OPRD1: variants seen among roughly 807,000 people sequenced by gnomAD.
OPRD1 encodes opioid receptor delta 1, also known as delta-type opioid receptor.
Under a neutral mutation model 17.5 loss-of-function variants are expected in OPRD1, and 19 were observed. The ratio of observed to expected loss-of-function variants is 1.09; its 90% CI spans 0.76 to 1.60. The LOEUF is 1.60. OPRD1 is among the 40% of genes most tolerant of loss of function. The probability of loss-of-function intolerance (pLI) is 0.00; values close to 1 mark genes in which losing one functional copy is unlikely to be tolerated. For missense variants in OPRD1, 483 were observed against 547.2 expected (o/e 0.88, Z 1.17); for synonymous variants, 256 against 240.9 (o/e 1.06, Z -0.58).
rs1245050436 is a variant in OPRD1, at chr1:28,826,062, G to T, written c.227+13452G>T. Among the ~76,000 whole-genome samples the T allele has an allele frequency of 2.6e-5, 4 of 152,294 alleles. No homozygotes were observed. In the East Asian group the frequency reaches 7.7e-4, roughly 29 times the overall value. The stretch of plus-strand genomic sequence containing the variant: ...GTAAACAAATAGATATAAGGCTAAG[G>T]CTATAGGCAGTGAAGTCAACCGAAA... On this transcript the variant is annotated intron_variant, in intron 1 of 2. Coordinates refer to ENST00000234961, the MANE Select transcript of OPRD1 (RefSeq NM_000911.4).
chr1:28,838,092 A>G (rs890720272), intron 1 of OPRD1, among the ~76,000 whole-genome samples: 2 of 151,886 alleles, frequency 1.3e-5, no homozygotes, highest in African/African-American at 4.8e-5. Flanking sequence ...GTAGCATTCG[A>G]TAGAATGTGT....
chr1:28,850,396 C>G (rs1019819036), intron 1 of OPRD1, among the ~76,000 whole-genome samples: 2 of 151,774 alleles, frequency 1.3e-5, no homozygotes, highest in African/African-American at 2.4e-5. Flanking sequence ...CAATCTCAGC[C>G]CACCGCAACC....
At chr1:28,855,667 G>C (rs2089050657) in intron 1 of OPRD1, among the ~76,000 whole-genome samples, 1 of 152,198 alleles carries the variant, frequency 6.6e-6, no homozygotes, top group African/African-American at 2.4e-5. Flanking sequence ...CCACTTCCCA[G>C]CATCCCAGCC....
chr1:28,843,702 C>T (rs564731791), intron 1 of OPRD1, among the ~76,000 whole-genome samples: 88 of 151,690 alleles, frequency 5.8e-4, no homozygotes, highest in Non-Finnish European at 1.1e-3. Context: ...CTTACTGCAA[C>T]CTCAACTTCG....
chr1:28,846,842 TTTCTTTTCTTTCTTTC>T (rs1465274776), intron 1 of OPRD1, among the ~76,000 whole-genome samples: 2 of 70,638 alleles, frequency 2.8e-5, no homozygotes, highest in African/African-American at 1.1e-4. Flanking sequence ...TCTTTCTTTC[TTTCTTTTCTTTCTTTC>T]TTTCTTTCTT....
chr1:28,816,810 C>T (rs2088674699), intron 1 of OPRD1, among the ~76,000 whole-genome samples: 1 of 152,126 alleles, frequency 6.6e-6, no homozygotes, highest in Admixed American at 6.5e-5. Flanking sequence ...GCAGGGCTGG[C>T]ATCTCAGAGA....
intron 1 of OPRD1, among the ~76,000 whole-genome samples, chr1:28,825,984 GAC>G (rs2088764600): frequency 6.6e-6 from 1 of 152,218 alleles, no homozygotes; most frequent in Non-Finnish European, 1.5e-5. Flanking sequence ...CAGTGATGAA[GAC>G]ACAGTCCTTG....
intron 1 of OPRD1, among the ~76,000 whole-genome samples, chr1:28,854,358 C>T (rs1367527015): frequency 6.6e-6 from 1 of 152,072 alleles, no homozygotes; most frequent in African/African-American, 2.4e-5. Context: ...TCCTGAGTAG[C>T]TGGGTCTATA....
intron 1 of OPRD1, among the ~76,000 whole-genome samples, chr1:28,854,249 TG>T (rs1273858523): frequency 2.6e-5 from 4 of 152,026 alleles, no homozygotes; most frequent in Admixed American, 6.6e-5. Context: ...TTTTTAGACA[TG>T]GGGTGTTGCT....
chr1:28,828,702 A>AAC (rs2124266747), intron 1 of OPRD1, among the ~76,000 whole-genome samples: 1 of 150,674 alleles, frequency 6.6e-6, no homozygotes, highest in South Asian at 2.1e-4. Flanking sequence ...AAAAAAAAAA[A>AAC]AAAAAAGCCA....
intron 1 of OPRD1, among the ~76,000 whole-genome samples, chr1:28,855,615 G>A (rs1233623167): frequency 6.6e-6 from 1 of 152,186 alleles, no homozygotes; most frequent in Non-Finnish European, 1.5e-5. Context: ...ATCAGCGCTG[G>A]GCCGCTCAGC....
chr1:28,850,745 T>G (rs1048333087), intron 1 of OPRD1, among the ~76,000 whole-genome samples: 7 of 150,694 alleles, frequency 4.6e-5, no homozygotes, highest in African/African-American at 1.7e-4. Flanking sequence ...ATCACACGAG[T>G]GCACTCCAGC....
chr1:28,828,194 C>T (rs1049854459), intron 1 of OPRD1, among the ~76,000 whole-genome samples: 2 of 152,138 alleles, frequency 1.3e-5, no homozygotes, highest in African/African-American at 2.4e-5. Context: ...TTCCTTGATC[C>T]GTGGGCTACA....
At chr1:28,830,886 C>T (rs188605441) in intron 1 of OPRD1, among the ~76,000 whole-genome samples, 12 of 152,328 alleles carry the variant, frequency 7.9e-5, no homozygotes, top group Admixed American at 7.2e-4. Flanking sequence ...TAGCACAGGG[C>T]CTGGCCCACA....
chr1:28,816,923 G>A (rs1468325516), intron 1 of OPRD1, among the ~76,000 whole-genome samples: 2 of 152,108 alleles, frequency 1.3e-5, no homozygotes, highest in Non-Finnish European at 2.9e-5. Flanking sequence ...CCCAGATCCT[G>A]GGTGGCCCGA....
chr1:28,861,634 G>T (rs2089122674), intron 2 of OPRD1, among the ~76,000 whole-genome samples: 1 of 152,072 alleles, frequency 6.6e-6, no homozygotes, highest in Non-Finnish European at 1.5e-5. Flanking sequence ...TTGTAGAGAT[G>T]GGGTTTTGCC....
chr1:28,812,214 C>A lies in OPRD1; in HGVS notation c.-170C>A, dbSNP rs530082922. ...GAGCGGGCGGACGCCGGGGGCTGGG[C>A]CGGTGCGGGCGGCGAGGCAGGCGGA... On this transcript the variant is annotated 5_prime_UTR_variant, in exon 1 of 3. Coordinates refer to ENST00000234961, the MANE Select transcript of OPRD1 (RefSeq NM_000911.4). 2.7e-3 allele frequency: 598 copies of A among 222,446 alleles called. 4 individuals carry two copies. Among genetic ancestry groups the A allele is most frequent in the African/African-American group, 0.013 (555 of 42,818 alleles). 13.8% of individuals were successfully genotyped at this position (222,446 alleles called of 1,614,324 possible). A position where few individuals can be genotyped will look rare whatever the true frequency, so the allele number is the denominator to read the frequency against.
In OPRD1 at chr1:28,859,266, C is replaced by T. The variant is rs566634367; in HGVS notation, c.540C>T (p.Gly180=). 52 of 1,614,044 alleles carry T rather than the reference C, an allele frequency of 3.2e-5. No homozygotes were observed. In the East Asian group the frequency reaches 3.3e-4, roughly 10 times the overall value. ...ICIWVLASGV[G]VPIMVMAVTR... ...TCTGGGTCCTGGCCTCAGGCGTTGG[C>T]GTGCCCATCATGGTCATGGCTGTGA... Residue 180 remains glycine (G), a synonymous_variant, in exon 2 of 3, where the codon GGC becomes GGT. Coordinates refer to ENST00000234961, the MANE Select transcript of OPRD1 (RefSeq NM_000911.4).
intron 2 of OPRD1, among the ~76,000 whole-genome samples, chr1:28,861,681 G>A (rs1229660169): frequency 6.6e-6 from 1 of 152,104 alleles, no homozygotes; most frequent in Non-Finnish European, 1.5e-5. Context: ...CTGGACTCAA[G>A]CAGTCCACCT....
Sources: allele counts gnomAD v4.1 joint callset (sites outside exome capture counted in the v4.1 genomes callset), GRCh38; gene constraint gnomAD v4.1.1; transcripts MANE v1.5; gene names NCBI Gene and HGNC (gene_info 2026-07-23, HGNC 2026-07-21).